Variants in CHIC2 observed in about 807,000 individuals in gnomAD.
CHIC2 encodes the protein cysteine rich hydrophobic domain 2.
CHIC2 carries 14 observed loss-of-function variants against 25.9 expected under a neutral mutation model. The observed-to-expected ratio is 0.54, with a 90% CI of 0.36 to 0.85. CHIC2 has a LOEUF of 0.85. Among genes scored for constraint, CHIC2 ranks in the 40% least tolerant of loss-of-function variants. The pLI, the probability that CHIC2 is intolerant of heterozygous loss-of-function variation, is 0.01. For missense variants in CHIC2, 146 were observed against 202.0 expected, an observed-to-expected ratio of 0.72 and a Z score of 1.68; for synonymous variants, 70 against 72.0, an observed-to-expected ratio of 0.97 and a Z score of 0.14.
intron 3 of CHIC2, among the ~76,000 whole-genome samples, chr4:54,024,477 T>C (rs887655776): frequency 2.0e-5 from 3 of 152,200 alleles, no homozygotes; most frequent in Admixed American, 6.5e-5. Context: ...TCTATCACAC[T>C]ATCAATCGCA....
intron 3 of CHIC2, among the ~76,000 whole-genome samples, chr4:54,041,927 G>A (rs1481380737): frequency 6.6e-6 from 1 of 151,280 alleles, no homozygotes; most frequent in Non-Finnish European, 1.5e-5. Flanking sequence ...GCTGATGTGT[G>A]CAGCAAACCA....
intron 1 of CHIC2, among the ~76,000 whole-genome samples, chr4:54,062,080 G>T (rs1717351871): frequency 6.6e-6 from 1 of 152,044 alleles, no homozygotes; most frequent in Non-Finnish European, 1.5e-5. Context: ...ATCTTAAAAG[G>T]TATCGACTAT....
the CHIC2 span, among the ~76,000 whole-genome samples, chr4:54,077,079 T>G: frequency 3.3e-5 from 5 of 152,212 alleles, 1 homozygote; most frequent in Admixed American, 2.6e-4. Flanking sequence ...ATAAAGTTGT[T>G]GGGAGGATTA....
chr4:54,048,563 C>T (rs1479439157), intron 3 of CHIC2, among the ~76,000 whole-genome samples: 1 of 151,786 alleles, frequency 6.6e-6, no homozygotes, highest in South Asian at 2.1e-4. Context: ...TTCATTTTAC[C>T]TTTATATTCA....
At chr4:54,072,378 T>C in the CHIC2 span, among the ~76,000 whole-genome samples, 1 of 152,038 alleles carries the variant, frequency 6.6e-6, no homozygotes, top group African/African-American at 2.4e-5. Context: ...CTCTCTTCAC[T>C]ACCATCTTTT....
chr4:54,013,806 G>A (rs1372449074), intron 5 of CHIC2, 31 bp downstream of exon 5: 1 of 1,599,428 alleles, frequency 6.3e-7, no homozygotes, highest in South Asian at 1.1e-5. Context: ...TCATTTAATA[G>A]AGAAACTCAC....
At chr4:54,038,138 A>G (rs1448130733) in intron 3 of CHIC2, among the ~76,000 whole-genome samples, 1 of 152,164 alleles carries the variant, frequency 6.6e-6, no homozygotes, top group African/African-American at 2.4e-5. Context: ...TACACTGTGA[A>G]AAAGAGAAGG....
At chr4:54,087,412 T>C in the CHIC2 span, 1 of 573,160 alleles carries the variant, frequency 1.7e-6, no homozygotes, top group Non-Finnish European at 3.0e-6. Context: ...AGTATGCAAA[T>C]TGTAAAACAT....
chr4:54,087,044 G>A, the CHIC2 span: 3 of 1,148,958 alleles, frequency 2.6e-6, no homozygotes, highest in African/African-American at 3.1e-5. Flanking sequence ...CAGGAAAGAA[G>A]GCAGCTGGTC....
Position 54,042,716 on chromosome 4 carries a change from C to T in CHIC2, c.330+6239G>A, listed in dbSNP as rs148623264. Among the ~76,000 whole-genome samples, 262 of 149,942 alleles carry T rather than the reference C, an allele frequency of 1.7e-3. 1 individual carries two copies. The South Asian group carries it at 0.025, about 14-fold the overall frequency. On this transcript the variant is annotated intron_variant, in intron 3 of 5. Coordinates refer to ENST00000263921, the MANE Select transcript of CHIC2 (RefSeq NM_012110.4). ...ACAAAATCAACTGTGGATCCAGAGA[C>T]GAAAAAATGTTCTGTAGTGCAAAGG...
intron 3 of CHIC2, among the ~76,000 whole-genome samples, chr4:54,029,975 A>C (rs1038606451): frequency 6.6e-6 from 1 of 152,198 alleles, no homozygotes; most frequent in African/African-American, 2.4e-5. Flanking sequence ...CCCTAACCAG[A>C]GTAAGTCACA....
intron 1 of CHIC2, among the ~76,000 whole-genome samples, chr4:54,052,912 T>C (rs1039947975): frequency 2.6e-5 from 4 of 152,208 alleles, no homozygotes; most frequent in Admixed American, 1.3e-4. Flanking sequence ...AACAAGTTCA[T>C]TGAATCTTTA....
the CHIC2 span, among the ~76,000 whole-genome samples, chr4:54,076,269 G>A: frequency 1.3e-5 from 2 of 151,666 alleles, no homozygotes; most frequent in African/African-American, 4.9e-5. Context: ...CTGGGCAATA[G>A]AGTGAAAATC....
At chr4:54,030,937 A>C (rs1364976667) in intron 3 of CHIC2, among the ~76,000 whole-genome samples, 1 of 149,788 alleles carries the variant, frequency 6.7e-6, no homozygotes, top group East Asian at 2.0e-4. Context: ...GCAGTGGCGC[A>C]ATCTTGGCTC....
chr4:54,052,460 G>A (rs192137253), intron 1 of CHIC2, among the ~76,000 whole-genome samples: 1 of 151,994 alleles, frequency 6.6e-6, no homozygotes, highest in African/African-American at 2.4e-5. Flanking sequence ...TTTATTCTAA[G>A]ACAAAGTACA....
chr4:54,017,158 G>GT (rs568608531), intron 3 of CHIC2, among the ~76,000 whole-genome samples: 3 of 151,002 alleles, frequency 2.0e-5, no homozygotes, highest in Non-Finnish European at 4.4e-5. Flanking sequence ...CTAATGAAAT[G>GT]TAAGATTCAA....
intron 3 of CHIC2, among the ~76,000 whole-genome samples, chr4:54,015,157 G>A (rs567181379): frequency 6.6e-6 from 1 of 152,176 alleles, no homozygotes; most frequent in South Asian, 2.1e-4. Context: ...TATTAAACAT[G>A]CTAAAGACAC....
At chr4:54,088,610 T>C in the CHIC2 span, among the ~76,000 whole-genome samples, 1 of 151,900 alleles carries the variant, frequency 6.6e-6, no homozygotes, top group African/African-American at 2.4e-5. Context: ...GTGGTTGGAG[T>C]GGTCAGAGAC....
At chr4:54,045,263 A>G (rs1716746482) in intron 3 of CHIC2, among the ~76,000 whole-genome samples, 2 of 152,232 alleles carry the variant, frequency 1.3e-5, no homozygotes, top group Admixed American at 6.5e-5. Flanking sequence ...TATTCCAATC[A>G]ATAGAAAAAC....
Sources: allele counts gnomAD v4.1 joint callset (sites outside exome capture counted in the v4.1 genomes callset), GRCh38; gene constraint gnomAD v4.1.1; transcripts MANE v1.5; gene names NCBI Gene and HGNC (gene_info 2026-07-23, HGNC 2026-07-21).